The following RIT2 variants were observed in gnomAD, a reference collection of about 807,000 sequenced individuals.
The protein encoded by RIT2 is GTP-binding protein Rit2.
In RIT2, 24 loss-of-function variants were observed where a neutral mutation model predicts 23.7. The ratio of observed to expected loss-of-function variants is 1.01; its 90% CI spans 0.73 to 1.43. The LOEUF is 1.43. Ranked by LOEUF, RIT2 falls within the 40% of genes most tolerant of loss-of-function variation. The pLI, the probability that RIT2 is intolerant of heterozygous loss-of-function variation, is 0.00. For synonymous variants in RIT2, 107 were observed against 91.1 expected (o/e 1.17, Z -0.99); for missense variants, 236 against 266.9 (o/e 0.88, Z 0.81).
intron 4 of RIT2, among the ~76,000 whole-genome samples, chr18:42,789,303 G>T (rs1285252289): frequency 2.6e-5 from 4 of 152,142 alleles, no homozygotes; most frequent in African/African-American, 9.7e-5. Context: ...TATCACCGTG[G>T]TCCGTAGGCT....
intron 1 of RIT2, among the ~76,000 whole-genome samples, chr18:43,087,013 G>C (rs1598777836): frequency 6.6e-6 from 1 of 152,132 alleles, no homozygotes; most frequent in South Asian, 2.1e-4. Context: ...CCTTTGGGAG[G>C]CTCAGGCGGG....
rs909839802 is a variant in RIT2 at position 42,827,019 on chromosome 18, C to T, written c.427-83299G>A. Among the ~76,000 whole-genome samples the T allele has an allele frequency of 6.6e-5, 10 of 152,074 alleles. No homozygotes were observed. The South Asian group carries it at 8.3e-4, about 13-fold the overall frequency. Reference sequence around the variant, plus strand: ...AAAATATATGTCAGTTCTCTAAATTCATATGGAAAAGTCCAAAAATTCAAT... The same window carrying T: ...AAAATATATGTCAGTTCTCTAAATTTATATGGAAAAGTCCAAAAATTCAAT... On this transcript the variant is annotated intron_variant, in intron 4 of 4. Transcript: ENST00000326695.
chr18:42,828,003 CAAAAAAAA>C (rs200737336), intron 4 of RIT2, among the ~76,000 whole-genome samples: 69 of 51,750 alleles, frequency 1.3e-3, no homozygotes, highest in Admixed American at 8.2e-3. Flanking sequence ...GACTCCGTCT[CAAAAAAAA>C]AAAAAAAAAA....
chr18:42,935,293 G>C (rs1909425361), intron 3 of RIT2, among the ~76,000 whole-genome samples: 2 of 152,274 alleles, frequency 1.3e-5, no homozygotes, highest in African/African-American at 4.8e-5. Context: ...CTTCACTAGA[G>C]AGTGGTGTGC....
At chr18:42,897,604 T>C (rs1908365327) in intron 4 of RIT2, among the ~76,000 whole-genome samples, 1 of 152,110 alleles carries the variant, frequency 6.6e-6, no homozygotes, top group African/African-American at 2.4e-5. Flanking sequence ...ACCTGTACAG[T>C]ATGCCTATGG....
At chr18:43,043,820 A>C (rs958175395) in intron 1 of RIT2, among the ~76,000 whole-genome samples, 4 of 151,948 alleles carry the variant, frequency 2.6e-5, no homozygotes, top group African/African-American at 4.8e-5. Flanking sequence ...ATAAATAAAT[A>C]AATCAAATAA....
chr18:42,839,176 T>C (rs1034160220), intron 4 of RIT2, among the ~76,000 whole-genome samples: 1 of 152,208 alleles, frequency 6.6e-6, no homozygotes, highest in Non-Finnish European at 1.5e-5. Flanking sequence ...AGAAGCTCCA[T>C]GTCTGACTTC....
chr18:42,978,080 C>T lies in RIT2; in HGVS notation c.161-3933G>A, dbSNP rs147066239. 3.4e-3 allele frequency among the ~76,000 whole-genome samples: 513 copies of T among 151,906 alleles called. 6 individuals are homozygous for T. Among genetic ancestry groups the T allele is most frequent in the African/African-American group, 0.012 (482 of 41,464 alleles). On this transcript the variant is annotated intron_variant, in intron 2 of 4. Transcript: ENST00000326695. ...GATTATAAGTGAATCTTTCAGATTT[C>T]GTGTTTGTTTATTTAAACTCAAAGC...
intron 3 of RIT2, among the ~76,000 whole-genome samples, chr18:42,963,418 G>T (rs1910136694): frequency 6.6e-6 from 1 of 152,148 alleles, no homozygotes; most frequent in African/African-American, 2.4e-5. Context: ...AAAATAACTG[G>T]AAAACTGGGT....
At chr18:43,049,497 G>T (rs1371145997) in intron 1 of RIT2, among the ~76,000 whole-genome samples, 4 of 152,078 alleles carry the variant, frequency 2.6e-5, no homozygotes, top group African/African-American at 9.7e-5. Context: ...GAGGTAAAAG[G>T]GGTAAATTCT....
chr18:42,837,137 CTTT>C (rs1182682879), intron 4 of RIT2, among the ~76,000 whole-genome samples: 1 of 38,954 alleles, frequency 2.6e-5, no homozygotes, highest in African/African-American at 7.3e-5. Flanking sequence ...ATAAAAATTT[CTTT>C]TTTTTTCTTT....
At chr18:42,964,828 C>T (rs1381763509) in intron 3 of RIT2, among the ~76,000 whole-genome samples, 1 of 152,186 alleles carries the variant, frequency 6.6e-6, no homozygotes, top group Non-Finnish European at 1.5e-5. Context: ...TAATGGTAGG[C>T]ATCACTATTC....
chr18:42,779,942 G>C (rs929094027), intron 4 of RIT2, among the ~76,000 whole-genome samples: 2 of 150,344 alleles, frequency 1.3e-5, no homozygotes, highest in Non-Finnish European at 3.0e-5. Flanking sequence ...GCTAGGTAAT[G>C]AAACTTAAAA....
At chr18:43,067,398 C>A (rs919490587) in intron 1 of RIT2, among the ~76,000 whole-genome samples, 2 of 152,080 alleles carry the variant, frequency 1.3e-5, no homozygotes, top group African/African-American at 4.8e-5. Context: ...GCATGACATA[C>A]CCCTTGGGAA....
At chr18:42,995,924 C>T (rs905269154) in intron 2 of RIT2, among the ~76,000 whole-genome samples, 2 of 152,212 alleles carry the variant, frequency 1.3e-5, no homozygotes, top group Non-Finnish European at 2.9e-5. Context: ...CTGGTTTACA[C>T]TGTTTCTCCA....
intron 4 of RIT2, among the ~76,000 whole-genome samples, chr18:42,810,124 A>G (rs1213458591): frequency 6.9e-6 from 1 of 145,720 alleles, no homozygotes; most frequent in African/African-American, 2.7e-5. Flanking sequence ...TTATGTATCA[A>G]TTAAAAAAAA....
At chr18:42,798,142 C>CA (rs1905427214) in intron 4 of RIT2, among the ~76,000 whole-genome samples, 1 of 152,168 alleles carries the variant, frequency 6.6e-6, no homozygotes, top group African/African-American at 2.4e-5. Context: ...GCCTTTTCAG[C>CA]ATATATGCGT....
intron 4 of RIT2, among the ~76,000 whole-genome samples, chr18:42,876,919 C>A (rs966652837): frequency 6.6e-6 from 1 of 151,706 alleles, no homozygotes; most frequent in African/African-American, 2.4e-5. Context: ...ATCTTGCTAT[C>A]CCTGGTAAGC....
intron 4 of RIT2, among the ~76,000 whole-genome samples, chr18:42,876,711 C>CTAATAAGTAATAGCCAAGAAG (rs1907753302): frequency 6.7e-6 from 1 of 148,302 alleles, no homozygotes. Flanking sequence ...TTTTTTTTTT[C>CTAATAAGTAATAGCCAAGAAG]TAATAAGTAA....
Sources: allele counts gnomAD v4.1 joint callset (sites outside exome capture counted in the v4.1 genomes callset), GRCh38; gene constraint gnomAD v4.1.1; transcripts MANE v1.5; gene names NCBI Gene and HGNC (gene_info 2026-07-23, HGNC 2026-07-21).